The following GFM1 variants were observed in gnomAD, a reference collection of about 807,000 sequenced individuals.
GFM1 encodes G elongation factor mitochondrial 1, also known as elongation factor G, mitochondrial.
A neutral mutation model predicts 96.2 loss-of-function variants in GFM1; 62 were observed. That is an observed-to-expected ratio of 0.64 (90% CI 0.53 to 0.80). The LOEUF (loss-of-function observed/expected upper bound fraction) is 0.80. Ranked by LOEUF, GFM1 falls within the 30% of genes least tolerant of loss-of-function variation. GFM1 has a pLI of 0.00. For synonymous variants in GFM1, 282 were observed against 312.9 expected, an observed-to-expected ratio of 0.90 and a Z score of 1.04; for missense variants, 852 against 916.6, an observed-to-expected ratio of 0.93 and a Z score of 0.91.
At chr3:158,647,227 A>G (rs1721892987) in intron 4 of GFM1, among the ~76,000 whole-genome samples, 1 of 152,188 alleles carries the variant, frequency 6.6e-6, no homozygotes, top group African/African-American at 2.4e-5. Flanking sequence ...CTGTTTTGCT[A>G]TTATGAGAGA....
chr3:158,667,432 A>G (rs1723817428), intron 13 of GFM1, among the ~76,000 whole-genome samples: 1 of 152,234 alleles, frequency 6.6e-6, no homozygotes, highest in Non-Finnish European at 1.5e-5. Flanking sequence ...GGGATAAGCT[A>G]TAGCAATGGG....
intron 4 of GFM1, among the ~76,000 whole-genome samples, chr3:158,647,630 CTGA>C (rs1330333920): frequency 6.6e-6 from 1 of 152,134 alleles, no homozygotes; most frequent in East Asian, 1.9e-4. Flanking sequence ...AATGGTGTAT[CTGA>C]TGACAAAAAA....
At chr3:158,654,483 T>C in intron 7 of GFM1, 64 bp from the exon 8 acceptor site, 1 of 1,005,938 alleles carries the variant, frequency 9.9e-7, no homozygotes, top group East Asian at 2.6e-5. Context: ...CCTGATGAAA[T>C]AAATTGATAT....
In GFM1 at chr3:158,652,251, G is replaced by A. The variant is rs1194863276; in HGVS notation, c.840+5G>A. 2 of 1,613,814 alleles carry A rather than the reference G, an allele frequency of 1.2e-6. No homozygotes were observed. Among genetic ancestry groups the A allele is most frequent in the East Asian group, 2.2e-5 (1 of 44,880 alleles). On this transcript the variant is annotated splice_donor_5th_base_variant and intron_variant, in intron 6 of 17. Transcript: ENST00000486715. Reference sequence around the variant, plus strand: ...CCCTCGATTTCTGATTTAAAGGCAAGTGCTTTCAAAATAAGTCTTATGTTA... The same window carrying A: ...CCCTCGATTTCTGATTTAAAGGCAAATGCTTTCAAAATAAGTCTTATGTTA...
intron 13 of GFM1, chr3:158,669,187 ACAAAAT>A: frequency 2.0e-6 from 3 of 1,490,014 alleles, no homozygotes; most frequent in Non-Finnish European, 9.1e-7. Flanking sequence ...ACCTTTTAAA[ACAAAAT>A]CTAAATTCTA....
At chr3:158,657,563 T>G (rs927510038) in intron 8 of GFM1, 2 of 152,228 alleles carry the variant, frequency 1.3e-5, no homozygotes, top group African/African-American at 4.8e-5. Context: ...TCAGTCTTTC[T>G]GTTTAGTCAT....
At chr3:158,678,199 G>A (rs987567946) in intron 13 of GFM1, among the ~76,000 whole-genome samples, 7 of 152,158 alleles carry the variant, frequency 4.6e-5, no homozygotes, top group East Asian at 3.9e-4. Flanking sequence ...GATGTACAAA[G>A]AGATTAATGT....
rs377350148 is a variant in GFM1, at chr3:158,657,771, A to G, written c.1084-1151A>G. On this transcript the variant is annotated intron_variant, in intron 8 of 17. Transcript: ENST00000486715. Reference sequence around the variant, plus strand: ...TTGTCCAGTTAGTACTTTATGCACAATCCTTTCTTCCTTTTCCATTGATTT... The same window carrying G: ...TTGTCCAGTTAGTACTTTATGCACAGTCCTTTCTTCCTTTTCCATTGATTT... Among the ~76,000 whole-genome samples, 14 of 152,124 alleles carry G rather than the reference A, an allele frequency of 9.2e-5. No individual in the cohort carries two copies. In the East Asian group the frequency reaches 1.7e-3, roughly 19 times the overall value.
At chr3:158,655,289 G>A (rs1015491066) in intron 8 of GFM1, among the ~76,000 whole-genome samples, 3 of 152,038 alleles carry the variant, frequency 2.0e-5, no homozygotes, top group Admixed American at 1.3e-4. Flanking sequence ...TTCGAGACCA[G>A]CCTAGCCAAC....
In GFM1 at chr3:158,645,782, G is replaced by GTATA; in HGVS notation, c.234+5_234+8dup. Reference sequence around the variant, plus strand: ...TGGCAGAATTGCAAAGATGCATGAGGTATATATTCACGGTTGATTCCGGAT... The same window carrying GTATA: ...TGGCAGAATTGCAAAGATGCATGAGGTATATATATATTCACGGTTGATTCCGGAT... On this transcript the variant is annotated splice_donor_variant, in intron 2 of 17. Coordinates refer to ENST00000486715, the MANE Select transcript of GFM1 (RefSeq NM_024996.7). LOFTEE classifies it high-confidence loss of function. 1 of 1,609,012 alleles carries GTATA rather than the reference G, an allele frequency of 6.2e-7. No individual in the cohort carries two copies. Among genetic ancestry groups the GTATA allele is most frequent in the South Asian group, 1.1e-5 (1 of 90,986 alleles).
intron 15 of GFM1, among the ~76,000 whole-genome samples, chr3:158,688,205 T>C (rs1726024214): frequency 6.6e-6 from 1 of 152,204 alleles, no homozygotes; most frequent in South Asian, 2.1e-4. Flanking sequence ...AAAACTGAAA[T>C]GTAAAATTGA....
chr3:158,653,260 A>G, intron 6 of GFM1, 50 bp from the exon 7 acceptor site: 1 of 1,466,526 alleles, frequency 6.8e-7, no homozygotes, highest in Non-Finnish European at 9.5e-7. Context: ...GACTTGAAGC[A>G]CAACATGTAA....
intron 10 of GFM1, among the ~76,000 whole-genome samples, chr3:158,661,383 G>C (rs17630223): frequency 0.11 from 17,001 of 152,124 alleles, 1,230 homozygotes; most frequent in South Asian, 0.21. Flanking sequence ...TATTAACTCA[G>C]TAGCCAGAAA....
At chr3:158,661,670 A>G (rs1428398974) in intron 10 of GFM1, among the ~76,000 whole-genome samples, 1 of 152,150 alleles carries the variant, frequency 6.6e-6, no homozygotes, top group Admixed American at 6.5e-5. Context: ...CATTATGACC[A>G]TCTGTTTATG....
At position 158,690,193 on chromosome 3, in the gene GFM1, A is replaced by G; in HGVS notation, c.1940A>G (p.Glu647Gly). 6.2e-7 allele frequency: 1 copy of G among 1,613,792 alleles called. No individual in the cohort carries two copies. Among genetic ancestry groups the G allele is most frequent in the Non-Finnish European group, 8.5e-7 (1 of 1,179,878 alleles). The change falls in exon 16 of 18, where the codon GAA (glutamate) becomes GGA (glycine). Residue 647 changes from glutamate (E) to glycine (G), a missense_variant. Physicochemically the swap from Glu to Gly is moderately conservative, Grantham distance 98. Transcript: ENST00000486715. ...ALANATLCIL[E>G]PIMAVEVVAP... is the part of the protein sequence containing the mutation. Reference sequence around the variant, plus strand: ...GCAAATGCAACATTATGTATTCTTGAACCTATTATGGCTGTGGAAGTTGTA... The same window carrying G: ...GCAAATGCAACATTATGTATTCTTGGACCTATTATGGCTGTGGAAGTTGTA...
chr3:158,693,261 CTT>C lies in GFM1; in HGVS notation c.*1796_*1797del, dbSNP rs1726430987. 1.3e-5 allele frequency: 2 copies of C among 152,158 alleles called. No individual in the cohort carries two copies. The highest frequency in any genetic ancestry group is 2.9e-5 in the Non-Finnish European group (2 of 68,032). The allele number at this position is 152,158 out of a possible 1,614,324, so 9.4% of individuals were successfully genotyped here. On this transcript the variant is annotated 3_prime_UTR_variant, in exon 18 of 18. Transcript: ENST00000486715. ...CAGCATCTTGTGACATTCACAATAA[CTT>C]TGAATATTGTTCCTAATGAGGAAAT...
rs141961308 is a variant in GFM1 at position 158,694,376 on chromosome 3, A to G, written c.*2909A>G. 0.01 allele frequency among the ~76,000 whole-genome samples: 1,598 copies of G among 152,344 alleles called. 15 individuals are homozygous for G. The highest frequency in any genetic ancestry group is 0.015 in the Non-Finnish European group (1,013 of 68,024). On this transcript the variant is annotated 3_prime_UTR_variant, in exon 18 of 18. Coordinates refer to ENST00000486715, the MANE Select transcript of GFM1 (RefSeq NM_024996.7). ...GTTCTCACTTATAAGTGGGAGCTAA[A>G]TAATGAGAACACATGGACACACAGA...
At chr3:158,659,352 C>A (rs571006876) in intron 9 of GFM1, among the ~76,000 whole-genome samples, 63 of 152,212 alleles carry the variant, frequency 4.1e-4, no homozygotes, top group African/African-American at 1.5e-3. Context: ...TCAGCACTTT[C>A]CTCAAGAACT....
intron 13 of GFM1, among the ~76,000 whole-genome samples, chr3:158,668,620 T>A (rs537312770): frequency 6.6e-6 from 1 of 152,366 alleles, no homozygotes; most frequent in South Asian, 2.1e-4. Flanking sequence ...GCAGTCTAGA[T>A]ACTGTGTATT....
Sources: allele counts gnomAD v4.1 joint callset (sites outside exome capture counted in the v4.1 genomes callset), GRCh38; gene constraint gnomAD v4.1.1; transcripts MANE v1.5; gene names NCBI Gene and HGNC (gene_info 2026-07-23, HGNC 2026-07-21).